Variants in RPS6KC1 observed in about 807,000 individuals in gnomAD.
RPS6KC1 encodes inactive ribosomal protein S6 kinase delta-1.
A neutral mutation model predicts 103.8 loss-of-function variants in RPS6KC1; 54 were observed. The ratio of observed to expected loss-of-function variants is 0.52; its 90% CI spans 0.42 to 0.65. RPS6KC1 has a LOEUF of 0.65. Among genes scored for constraint, RPS6KC1 ranks in the 30% least tolerant of loss-of-function variants. RPS6KC1 has a pLI of 0.00. For missense variants in RPS6KC1, 1,151 were observed against 1,253.8 expected (o/e 0.92, Z 1.24); for synonymous variants, 439 against 438.7 (o/e 1.00, Z -0.01).
rs754759035 is a variant in RPS6KC1, at chr1:213,241,741, C to T, written c.2265C>T (p.Pro755=). 9.3e-6 allele frequency: 15 copies of T among 1,613,854 alleles called. No individual in the cohort carries two copies. The East Asian group carries it at 3.1e-4, about 34-fold the overall frequency. Residue 755 remains proline, a synonymous_variant, in exon 11 of 15, where the codon CCC becomes CCT. Transcript: ENST00000366960. ...EEKGIEELSD[P]SGPKSYSITE... ...AAGGCATAGAGGAACTGAGTGATCCCTCTGGGCCCAAATCCTATAGTATAA... is the reference window on the plus strand; with the variant it reads ...AAGGCATAGAGGAACTGAGTGATCCTTCTGGGCCCAAATCCTATAGTATAA...
At chr1:213,348,874 A>T in the RPS6KC1 span, among the ~76,000 whole-genome samples, 7 of 152,248 alleles carry the variant, frequency 4.6e-5, no homozygotes, top group Non-Finnish European at 1.0e-4. Flanking sequence ...AGTGCTTAGC[A>T]CAGTGTCTGG....
the RPS6KC1 span, among the ~76,000 whole-genome samples, chr1:213,614,535 C>T: frequency 6.6e-6 from 1 of 152,238 alleles, no homozygotes; most frequent in African/African-American, 2.4e-5. Context: ...ACCATCTTAT[C>T]TGATGTTTTG....
the RPS6KC1 span, among the ~76,000 whole-genome samples, chr1:213,384,582 G>C: frequency 1.3e-5 from 2 of 152,138 alleles, no homozygotes; most frequent in Non-Finnish European, 2.9e-5. Flanking sequence ...TCGAGGGCAG[G>C]AGGGGATGGT....
At chr1:213,608,240 G>C in the RPS6KC1 span, among the ~76,000 whole-genome samples, 1 of 152,098 alleles carries the variant, frequency 6.6e-6, no homozygotes, top group Non-Finnish European at 1.5e-5. Flanking sequence ...CGGTGCCCCG[G>C]GGTTCCACAA....
At chr1:213,659,660 C>G in the RPS6KC1 span, among the ~76,000 whole-genome samples, 1 of 150,974 alleles carries the variant, frequency 6.6e-6, no homozygotes. Context: ...TAACTGCTTA[C>G]TGGCATAAAT....
the RPS6KC1 span, among the ~76,000 whole-genome samples, chr1:213,810,870 C>A: frequency 6.6e-6 from 1 of 152,174 alleles, no homozygotes; most frequent in Non-Finnish European, 1.5e-5. Context: ...CATCTCTCAT[C>A]CCAGCAAAAA....
At chr1:213,514,198 C>G in the RPS6KC1 span, among the ~76,000 whole-genome samples, 1 of 152,008 alleles carries the variant, frequency 6.6e-6, no homozygotes, top group South Asian at 2.1e-4. Context: ...AAATTTTTAG[C>G]CTTTGATTAA....
chr1:213,482,540 GTTTTT>G, the RPS6KC1 span, among the ~76,000 whole-genome samples: 3 of 61,200 alleles, frequency 4.9e-5, no homozygotes, highest in Non-Finnish European at 6.6e-5. Context: ...CTAACTTGAG[GTTTTT>G]TTTTTTTTTT....
chr1:213,201,694 CT>C (rs1335163981), intron 8 of RPS6KC1, among the ~76,000 whole-genome samples: 1 of 152,140 alleles, frequency 6.6e-6, no homozygotes, highest in Non-Finnish European at 1.5e-5. Flanking sequence ...GCCAAAGGAA[CT>C]TTTTATTTTC....
At chr1:213,523,197 G>A in the RPS6KC1 span, among the ~76,000 whole-genome samples, 1 of 152,210 alleles carries the variant, frequency 6.6e-6, no homozygotes, top group South Asian at 2.1e-4. Context: ...CTGGTCAGTG[G>A]AGTGGTCAGA....
At chr1:213,817,223 C>A in the RPS6KC1 span, among the ~76,000 whole-genome samples, 1 of 152,150 alleles carries the variant, frequency 6.6e-6, no homozygotes, top group Non-Finnish European at 1.5e-5. Context: ...CAAACCCCAA[C>A]GCACGCATAG....
chr1:213,835,036 G>A, the RPS6KC1 span, among the ~76,000 whole-genome samples: 1 of 152,198 alleles, frequency 6.6e-6, no homozygotes, highest in Non-Finnish European at 1.5e-5. Flanking sequence ...ATGATGGGTG[G>A]TGACTAGATG....
the RPS6KC1 span, among the ~76,000 whole-genome samples, chr1:213,344,898 G>T: frequency 6.6e-6 from 1 of 152,090 alleles, no homozygotes; most frequent in Non-Finnish European, 1.5e-5. Flanking sequence ...TTCACCTATT[G>T]CATTCATTGT....
chr1:213,377,381 A>C, the RPS6KC1 span, among the ~76,000 whole-genome samples: 18 of 152,200 alleles, frequency 1.2e-4, no homozygotes, highest in Middle Eastern at 3.2e-3. Flanking sequence ...GGAGTACCCT[A>C]AACAGTTCTC....
At chr1:213,312,589 G>A in the RPS6KC1 span, among the ~76,000 whole-genome samples, 2 of 152,138 alleles carry the variant, frequency 1.3e-5, no homozygotes, top group African/African-American at 2.4e-5. Flanking sequence ...CTATCATACT[G>A]TGCAGTGTGG....
At chr1:213,481,934 T>C in the RPS6KC1 span, among the ~76,000 whole-genome samples, 1 of 152,214 alleles carries the variant, frequency 6.6e-6, no homozygotes, top group Non-Finnish European at 1.5e-5. Context: ...TGTGGTGCTG[T>C]CCTTGTGATG....
chr1:213,161,672 C>T (rs1394636343), intron 6 of RPS6KC1, among the ~76,000 whole-genome samples: 2 of 152,040 alleles, frequency 1.3e-5, no homozygotes, highest in African/African-American at 2.4e-5. Context: ...TGTTAACAGC[C>T]ATTTGAAAAA....
intron 12 of RPS6KC1, among the ~76,000 whole-genome samples, chr1:213,249,722 G>A (rs960405267): frequency 6.6e-6 from 1 of 152,162 alleles, no homozygotes; most frequent in African/African-American, 2.4e-5. Context: ...GAAATACAGG[G>A]TGAGAGAGTA....
chr1:213,708,621 C>T, the RPS6KC1 span, among the ~76,000 whole-genome samples: 1 of 152,118 alleles, frequency 6.6e-6, no homozygotes, highest in Admixed American at 6.5e-5. Context: ...GCATCCTTGT[C>T]CTGTGCTGGT....
Sources: gnomAD v4.1 joint callset for allele counts (sites outside exome capture counted in the v4.1 genomes callset) on GRCh38, gnomAD v4.1.1 for gene constraint, MANE v1.5 for transcripts, NCBI Gene and HGNC (gene_info 2026-07-23, HGNC 2026-07-21) for gene names.